NXPH2: variants seen among roughly 807,000 people sequenced by gnomAD.
NXPH2 encodes neurexophilin 2, also known as neurexophilin-2.
Under a neutral mutation model 19.8 loss-of-function variants are expected in NXPH2, and 5 were observed. The ratio of observed to expected loss-of-function variants is 0.25; its 90% confidence interval spans 0.13 to 0.53. The LOEUF (loss-of-function observed/expected upper bound fraction) is 0.53, where lower values mean the gene tolerates loss of function less well. NXPH2 is among the 20% of genes least tolerant of loss of function. The pLI, the probability that NXPH2 is intolerant of heterozygous loss-of-function variation, is 0.96. For missense variants in NXPH2, 289 were observed against 322.8 expected (o/e 0.90, Z 0.80); for synonymous variants, 154 against 127.4 (o/e 1.21, Z -1.41).
chr2:138,755,736 A>C (rs1267291896), intron 1 of NXPH2, among the ~76,000 whole-genome samples: 1 of 152,114 alleles, frequency 6.6e-6, no homozygotes, highest in Non-Finnish European at 1.5e-5. Flanking sequence ...TTGGTATTGC[A>C]TTGACTCTGT....
intron 1 of NXPH2, among the ~76,000 whole-genome samples, chr2:138,766,360 G>T (rs1682092826): frequency 6.6e-6 from 1 of 152,152 alleles, no homozygotes; most frequent in South Asian, 2.1e-4. Context: ...ATCACCTATG[G>T]CAGGTTTCTC....
At chr2:138,750,084 G>A (rs1001029382) in intron 1 of NXPH2, among the ~76,000 whole-genome samples, 2 of 151,968 alleles carry the variant, frequency 1.3e-5, no homozygotes, top group African/African-American at 4.8e-5. Flanking sequence ...AATACACAAG[G>A]GATACATACA....
chr2:138,720,420 C>T (rs1040414197), intron 1 of NXPH2, among the ~76,000 whole-genome samples: 1 of 152,240 alleles, frequency 6.6e-6, no homozygotes, highest in Non-Finnish European at 1.5e-5. Flanking sequence ...GAAGAGCAGG[C>T]ATTTCTTCGG....
intron 1 of NXPH2, among the ~76,000 whole-genome samples, chr2:138,696,332 C>T (rs138003879): frequency 9.2e-5 from 14 of 152,238 alleles, no homozygotes; most frequent in African/African-American, 2.9e-4. Flanking sequence ...ATTTCAACAG[C>T]TTGTTATCTG....
chr2:138,761,736 C>T (rs988807040), intron 1 of NXPH2, among the ~76,000 whole-genome samples: 1 of 152,112 alleles, frequency 6.6e-6, no homozygotes, highest in African/African-American at 2.4e-5. Flanking sequence ...TCTGGCCCCT[C>T]GCAGATGTAA....
At chr2:138,729,046 C>T (rs138542155) in intron 1 of NXPH2, among the ~76,000 whole-genome samples, 71 of 152,242 alleles carry the variant, frequency 4.7e-4, no homozygotes, top group African/African-American at 1.6e-3. Flanking sequence ...AATTATTACA[C>T]AAGATTTTCT....
At chr2:138,750,739 T>A (rs1174372662) in intron 1 of NXPH2, among the ~76,000 whole-genome samples, 1 of 152,074 alleles carries the variant, frequency 6.6e-6, no homozygotes, top group African/African-American at 2.4e-5. Context: ...TAAAAAGAGA[T>A]GTATACACAG....
At chr2:138,705,333 A>G (rs1680992759) in intron 1 of NXPH2, among the ~76,000 whole-genome samples, 2 of 152,140 alleles carry the variant, frequency 1.3e-5, no homozygotes, top group South Asian at 4.2e-4. Context: ...GAATTCTCAT[A>G]TTAAATATAC....
chr2:138,702,768 A>G (rs1680949235), intron 1 of NXPH2, among the ~76,000 whole-genome samples: 1 of 152,112 alleles, frequency 6.6e-6, no homozygotes, highest in Admixed American at 6.6e-5. Flanking sequence ...GCCAGGTGCT[A>G]AGAACAACAA....
chr2:138,691,986 A>G (rs965775944), intron 1 of NXPH2, among the ~76,000 whole-genome samples: 9 of 152,222 alleles, frequency 5.9e-5, no homozygotes, highest in Non-Finnish European at 1.2e-4. Context: ...AACATAACCA[A>G]AATATAGAGG....
intron 1 of NXPH2, among the ~76,000 whole-genome samples, chr2:138,692,909 A>C (rs568602626): frequency 6.6e-6 from 1 of 152,342 alleles, no homozygotes; most frequent in South Asian, 2.1e-4. Context: ...CAGAATCTCA[A>C]GAAAGCCTTT....
chr2:138,739,251 T>C (rs1405974772), intron 1 of NXPH2, among the ~76,000 whole-genome samples: 1 of 152,104 alleles, frequency 6.6e-6, no homozygotes, highest in Non-Finnish European at 1.5e-5. Flanking sequence ...ACTAATACAC[T>C]AGGAGGCTCC....
At chr2:138,732,959 T>C (rs1240781407) in intron 1 of NXPH2, among the ~76,000 whole-genome samples, 1 of 152,216 alleles carries the variant, frequency 6.6e-6, no homozygotes, top group Admixed American at 6.5e-5. Flanking sequence ...TTCTAAGCAA[T>C]TGAATATATT....
At chr2:138,748,645 C>T (rs948104562) in intron 1 of NXPH2, among the ~76,000 whole-genome samples, 2 of 152,070 alleles carry the variant, frequency 1.3e-5, no homozygotes, top group Admixed American at 6.6e-5. Context: ...CACACACATA[C>T]AGTAATACCA....
intron 1 of NXPH2, among the ~76,000 whole-genome samples, chr2:138,676,829 T>C (rs1489330629): frequency 6.6e-6 from 1 of 152,194 alleles, no homozygotes; most frequent in Non-Finnish European, 1.5e-5. Context: ...ATGTGATAAA[T>C]TAATGACCAA....
intron 1 of NXPH2, among the ~76,000 whole-genome samples, chr2:138,727,602 T>C (rs999856211): frequency 3.8e-4 from 56 of 148,456 alleles, no homozygotes; most frequent in African/African-American, 1.4e-3. Flanking sequence ...TGTTTTCCTA[T>C]TGTTGGATTT....
intron 1 of NXPH2, among the ~76,000 whole-genome samples, chr2:138,684,617 T>A (rs986395713): frequency 6.6e-6 from 1 of 152,144 alleles, no homozygotes; most frequent in Non-Finnish European, 1.5e-5. Context: ...TAAATCCAAA[T>A]CAGGGTCAAT....
intron 1 of NXPH2, among the ~76,000 whole-genome samples, chr2:138,779,553 C>A (rs1322504781): frequency 6.6e-6 from 1 of 152,050 alleles, no homozygotes; most frequent in Non-Finnish European, 1.5e-5. Flanking sequence ...CGAGAGGGGG[C>A]TCCTGCGCGG....
At chr2:138,751,303 A>G (rs1418857229) in intron 1 of NXPH2, among the ~76,000 whole-genome samples, 3 of 152,186 alleles carry the variant, frequency 2.0e-5, no homozygotes, top group Non-Finnish European at 4.4e-5. Flanking sequence ...TTTAGGGAAG[A>G]TAATTTTAAG....
Sources: gnomAD v4.1 joint callset for allele counts (sites outside exome capture counted in the v4.1 genomes callset) on GRCh38, gnomAD v4.1.1 for gene constraint, MANE v1.5 for transcripts, NCBI Gene and HGNC (gene_info 2026-07-23, HGNC 2026-07-21) for gene names.